Variants in ERG observed in about 807,000 individuals in gnomAD.
ERG encodes the protein transcriptional regulator ERG.
In ERG, 9 loss-of-function variants were observed where a neutral mutation model predicts 55.3. The observed-to-expected ratio is 0.16, with a 90% CI of 0.10 to 0.28. The LOEUF (loss-of-function observed/expected upper bound fraction) is 0.28, where lower values mean the gene tolerates loss of function less well. Among genes scored for constraint, ERG ranks in the 10% least tolerant of loss-of-function variants. The pLI, the probability that ERG is intolerant of heterozygous loss-of-function variation, is 1.00. For missense variants in ERG, 434 were observed against 631.6 expected, an observed-to-expected ratio of 0.69 and a Z score of 3.35; for synonymous variants, 223 against 237.3, an observed-to-expected ratio of 0.94 and a Z score of 0.55.
intron 2 of ERG, among the ~76,000 whole-genome samples, chr21:38,565,145 C>A (rs2059915173): frequency 6.6e-6 from 1 of 152,168 alleles, no homozygotes; most frequent in African/African-American, 2.4e-5. Context: ...AATCCATCAG[C>A]AAATGCTGTC....
At chr21:38,486,813 A>G (rs2059289465) in intron 1 of ERG, among the ~76,000 whole-genome samples, 1 of 152,150 alleles carries the variant, frequency 6.6e-6, no homozygotes, top group Non-Finnish European at 1.5e-5. Flanking sequence ...CTTCCCGAGA[A>G]GCTGAAACTA....
intron 2 of ERG, among the ~76,000 whole-genome samples, chr21:38,444,610 A>G (rs193222187): frequency 2.6e-5 from 4 of 152,200 alleles, no homozygotes; most frequent in Non-Finnish European, 1.5e-5. Context: ...AGGGCCAGGG[A>G]CAGTTCTGCA....
intron 9 of ERG, among the ~76,000 whole-genome samples, chr21:38,385,065 T>G (rs1021113384): frequency 6.6e-6 from 1 of 152,212 alleles, no homozygotes. Flanking sequence ...GTGGACAAAG[T>G]CAGAATTTTC....
chr21:38,414,153 T>C (rs1158263754), intron 3 of ERG, among the ~76,000 whole-genome samples: 1 of 152,218 alleles, frequency 6.6e-6, no homozygotes, highest in Non-Finnish European at 1.5e-5. Flanking sequence ...AGCAATTGAA[T>C]GTTCCATTGC....
intron 2 of ERG, among the ~76,000 whole-genome samples, chr21:38,445,140 T>C (rs1569105103): frequency 9.1e-6 from 1 of 110,268 alleles, no homozygotes; most frequent in Admixed American, 8.2e-5. Flanking sequence ...TTCTTCTTCT[T>C]TTTTTTTTTT....
In ERG at chr21:38,392,281, A is replaced by G. The variant is rs1042078348; in HGVS notation, c.814+95T>C. ...GAACAAACCCATCACATGTTGCAAA[A>G]TCACAGATTAACCACAGAAATTATT... On this transcript the variant is annotated intron_variant, in intron 7 of 9. Transcript: ENST00000288319. 30 of 1,093,834 alleles carry G rather than the reference A, an allele frequency of 2.7e-5. No homozygotes were observed. The Admixed American group carries it at 4.2e-4, about 15-fold the overall frequency. 67.8% of individuals were successfully genotyped at this position (1,093,834 alleles called of 1,614,324 possible). A position where few individuals can be genotyped will look rare whatever the true frequency, so the allele number is the denominator to read the frequency against.
chr21:38,389,074 C>T (rs761914677), intron 9 of ERG, among the ~76,000 whole-genome samples: 5 of 152,194 alleles, frequency 3.3e-5, no homozygotes, highest in African/African-American at 7.2e-5. Flanking sequence ...TCAGATTCAT[C>T]GCCTGCACCT....
intron 1 of ERG, among the ~76,000 whole-genome samples, chr21:38,485,733 C>T (rs966150161): frequency 1.3e-5 from 2 of 151,906 alleles, no homozygotes; most frequent in Non-Finnish European, 2.9e-5. Flanking sequence ...GCTGGGATTA[C>T]AGGCATGAGC....
Position 38,382,904 on chromosome 21 carries a change from T to G in ERG, c.*499A>C. 9.4e-7 allele frequency: 1 copy of G among 1,066,682 alleles called. No homozygotes were observed. The highest frequency in any genetic ancestry group is 1.1e-6 in the Non-Finnish European group (1 of 879,868). The allele number at this position is 1,066,682 out of a possible 1,614,324, so 66.1% of individuals were successfully genotyped here. A position where few individuals can be genotyped will look rare whatever the true frequency, so the allele number is the denominator to read the frequency against. ...CATGCAGTTGCATATCAACGTCTGT[T>G]GATGGGCCACAGTCTCTCTCGTGTC... On this transcript the variant is annotated 3_prime_UTR_variant, in exon 10 of 10. Transcript: ENST00000288319.
intron 2 of ERG, among the ~76,000 whole-genome samples, chr21:38,530,280 A>T (rs1307026590): frequency 6.6e-6 from 1 of 152,022 alleles, no homozygotes; most frequent in East Asian, 2.0e-4. Flanking sequence ...GGCTGTCCTC[A>T]AACTCCTGAC....
At chr21:38,387,164 C>A (rs1213273792) in intron 9 of ERG, among the ~76,000 whole-genome samples, 1 of 152,214 alleles carries the variant, frequency 6.6e-6, no homozygotes, top group Non-Finnish European at 1.5e-5. Context: ...AAACAGCATC[C>A]TGGTGCAAAG....
At chr21:38,492,813 T>C (rs1488280736) in intron 1 of ERG, among the ~76,000 whole-genome samples, 1 of 151,950 alleles carries the variant, frequency 6.6e-6, no homozygotes. Flanking sequence ...AGAATAAAAG[T>C]ATAAATAAGA....
At chr21:38,642,903 T>C (rs1042913907) in intron 1 of ERG, among the ~76,000 whole-genome samples, 1 of 152,152 alleles carries the variant, frequency 6.6e-6, no homozygotes, top group African/African-American at 2.4e-5. Context: ...TTACAGATGA[T>C]GGAGTATGAA....
intron 1 of ERG, among the ~76,000 whole-genome samples, chr21:38,640,891 G>GA (rs1429562931): frequency 6.6e-6 from 1 of 152,238 alleles, no homozygotes. Context: ...ATGGAAGGCA[G>GA]AGAACTGCTA....
intron 9 of ERG, among the ~76,000 whole-genome samples, chr21:38,389,275 C>A (rs1987857082): frequency 6.6e-6 from 1 of 152,096 alleles, no homozygotes; most frequent in South Asian, 2.1e-4. Flanking sequence ...GGAAAAGTTA[C>A]TTAACTTCTC....
chr21:38,376,248 T>C (rs1245115942), downstream of ERG, among the ~76,000 whole-genome samples: 1 of 152,104 alleles, frequency 6.6e-6, no homozygotes, highest in Non-Finnish European at 1.5e-5. Context: ...TTAGAAAATA[T>C]GATGAGGGGA....
intron 2 of ERG, among the ~76,000 whole-genome samples, chr21:38,444,737 A>AC (rs796586899): frequency 8.8e-5 from 13 of 147,950 alleles, no homozygotes; most frequent in South Asian, 6.5e-4. Context: ...AAAAAAAAAA[A>AC]AAACAAACAG....
intron 1 of ERG, among the ~76,000 whole-genome samples, chr21:38,479,814 C>T (rs550529530): frequency 1.3e-5 from 2 of 152,322 alleles, no homozygotes; most frequent in East Asian, 3.9e-4. Flanking sequence ...AAAACAAGCA[C>T]AGATTTCTTT....
At chr21:38,452,042 C>A (rs924875170) in intron 1 of ERG, among the ~76,000 whole-genome samples, 2 of 152,168 alleles carry the variant, frequency 1.3e-5, no homozygotes, top group Non-Finnish European at 2.9e-5. Context: ...TAATTTAACA[C>A]ATTGCAATTT....
Sources: gnomAD v4.1 joint callset for allele counts (sites outside exome capture counted in the v4.1 genomes callset) on GRCh38, gnomAD v4.1.1 for gene constraint, MANE v1.5 for transcripts, NCBI Gene and HGNC (gene_info 2026-07-23, HGNC 2026-07-21) for gene names.